SEC14L1: variants seen among roughly 807,000 people sequenced by gnomAD.
SEC14L1 encodes the protein SEC14-like protein 1.
SEC14L1 carries 48 observed loss-of-function variants against 85.3 expected under a neutral mutation model. That is an observed-to-expected ratio of 0.56 (90% CI 0.45 to 0.72). The LOEUF (loss-of-function observed/expected upper bound fraction) is 0.72, where lower values mean the gene tolerates loss of function less well. SEC14L1 is among the 30% of genes least tolerant of loss of function. The pLI, the probability that SEC14L1 is intolerant of heterozygous loss-of-function variation, is 0.00. For synonymous variants in SEC14L1, 391 were observed against 355.5 expected, an observed-to-expected ratio of 1.10 and a Z score of -1.12; for missense variants, 682 against 921.4, an observed-to-expected ratio of 0.74 and a Z score of 3.36.
chr17:77,098,126 G>C (rs1971691338), intron 3 of SEC14L1, among the ~76,000 whole-genome samples: 1 of 152,172 alleles, frequency 6.6e-6, no homozygotes, highest in Non-Finnish European at 1.5e-5. Context: ...TCTGAATAGT[G>C]TCCGTAGCTT....
rs574665462 is a variant in SEC14L1 at position 77,194,817 on chromosome 17, C to T, written c.615C>T (p.Ala205=). ...SSSKKQAASM[A]VVIPEAALKE... ...CCAAGAAACAAGCAGCGTCCATGGCCGTCGTCATCCCAGAAGCTGCCCTCA... is the reference window on the plus strand; with the variant it reads ...CCAAGAAACAAGCAGCGTCCATGGCTGTCGTCATCCCAGAAGCTGCCCTCA... Residue 205 remains alanine (A), a synonymous_variant, in exon 7 of 17, where the codon GCC becomes GCT. Transcript: ENST00000436233. 9.3e-6 allele frequency: 15 copies of T among 1,614,210 alleles called. No individual in the cohort carries two copies. The highest frequency in any genetic ancestry group is 1.6e-4 in the Middle Eastern group (1 of 6,062).
chr17:77,089,536 C>T (rs763721910), intron 2 of SEC14L1: 7 of 477,462 alleles, frequency 1.5e-5, no homozygotes, highest in Non-Finnish European at 2.5e-5. Flanking sequence ...TCAGAGAGCC[C>T]TTGCTTTTCA....
At chr17:77,090,345 G>C (rs573985532) in intron 2 of SEC14L1, among the ~76,000 whole-genome samples, 1 of 151,790 alleles carries the variant, frequency 6.6e-6, no homozygotes, top group African/African-American at 2.4e-5. Flanking sequence ...TGAAGGAAGG[G>C]AACGTAAGAA....
At position 77,206,435 on chromosome 17, in the gene SEC14L1, C is replaced by T. The variant is rs1976466610; in HGVS notation, c.1341+35C>T. 6.3e-7 allele frequency: 1 copy of T among 1,597,988 alleles called. No homozygotes were observed. The highest frequency in any genetic ancestry group is 2.2e-5 in the East Asian group (1 of 44,534). Reference sequence around the variant, plus strand: ...GATGCTTTTTGCAGTAACTGTGAGCCATTTGGAAAGCAGATAACATGCATT... The same window carrying T: ...GATGCTTTTTGCAGTAACTGTGAGCTATTTGGAAAGCAGATAACATGCATT... On this transcript the variant is annotated intron_variant, in intron 12 of 16. Transcript: ENST00000436233. The surrounding 1 kb of genome is among the most constrained non-coding windows in gnomAD (Gnocchi z 4.3).
intron 3 of SEC14L1, among the ~76,000 whole-genome samples, chr17:77,120,613 A>G (rs571310183): frequency 6.6e-6 from 1 of 152,000 alleles, no homozygotes; most frequent in East Asian, 1.9e-4. Flanking sequence ...AGTAGCTGGG[A>G]TTACAGGTGC....
At chr17:77,154,707 A>T (rs763184962) in intron 3 of SEC14L1, among the ~76,000 whole-genome samples, 9 of 150,552 alleles carry the variant, frequency 6.0e-5, no homozygotes, top group Non-Finnish European at 1.0e-4. Flanking sequence ...AATAATTGCT[A>T]TGTGTATCTT....
intron 3 of SEC14L1, chr17:77,127,728 A>C (rs921290070): frequency 6.6e-6 from 1 of 152,178 alleles, no homozygotes; most frequent in African/African-American, 2.4e-5. Context: ...AACCCCTGGT[A>C]CCTGTGAAGG....
At chr17:77,151,371 T>C (rs1278100386) in intron 3 of SEC14L1, among the ~76,000 whole-genome samples, 1 of 152,016 alleles carries the variant, frequency 6.6e-6, no homozygotes, top group Non-Finnish European at 1.5e-5. Flanking sequence ...ACAATTAGAG[T>C]GAGCTTTCAT....
chr17:77,147,193 T>C (rs1229867759), intron 3 of SEC14L1, among the ~76,000 whole-genome samples: 3 of 152,218 alleles, frequency 2.0e-5, no homozygotes, highest in Admixed American at 2.0e-4. Flanking sequence ...AACGCCTCAC[T>C]CAACTTAATG....
At chr17:77,170,210 G>C (rs539530697) in intron 3 of SEC14L1, among the ~76,000 whole-genome samples, 113 of 152,264 alleles carry the variant, frequency 7.4e-4, no homozygotes, top group African/African-American at 2.7e-3. Flanking sequence ...AGCTAAGAAG[G>C]AAGAGACAGA....
At chr17:77,209,729 T>A in intron 14 of SEC14L1, 1 of 365,400 alleles carries the variant, frequency 2.7e-6, no homozygotes, top group Non-Finnish European at 4.9e-6. Flanking sequence ...TGACCTCCAT[T>A]TTACTAAAGC....
At chr17:77,157,961 C>G (rs1973883640) in intron 3 of SEC14L1, among the ~76,000 whole-genome samples, 1 of 152,162 alleles carries the variant, frequency 6.6e-6, no homozygotes, top group Non-Finnish European at 1.5e-5. Flanking sequence ...ATGTACTTCT[C>G]CAAATTGCTG....
In SEC14L1 at chr17:77,191,167, T is replaced by C; in HGVS notation, c.214-14T>C. 5 of 1,311,656 alleles carry C rather than the reference T, an allele frequency of 3.8e-6. No individual in the cohort carries two copies. Among genetic ancestry groups the C allele is most frequent in the East Asian group, 2.6e-5 (1 of 38,432 alleles). The allele number at this position is 1,311,656 out of a possible 1,614,324, so 81.3% of individuals were successfully genotyped here. ...TTATTAATAAACCCATTTCTCTTTC[T>C]TTTTTTTTTGAAGATTGCAGGAGTT... On this transcript the variant is annotated splice_polypyrimidine_tract_variant and intron_variant, in intron 4 of 16. Transcript: ENST00000436233.
chr17:77,153,296 A>G (rs956894259), intron 3 of SEC14L1, among the ~76,000 whole-genome samples: 1 of 152,146 alleles, frequency 6.6e-6, no homozygotes, highest in Non-Finnish European at 1.5e-5. Context: ...CAAACTCCTG[A>G]CCTCAAGTGA....
At position 77,154,579 on chromosome 17, in the gene SEC14L1, G is replaced by A. The variant is rs192678252; in HGVS notation, c.63+10920G>A. Among the ~76,000 whole-genome samples, 5 of 151,960 alleles carry A rather than the reference G, an allele frequency of 3.3e-5. No individual in the cohort carries two copies. In the East Asian group the frequency reaches 9.7e-4, roughly 29 times the overall value. Reference sequence around the variant, plus strand: ...GTTTTGGGATTGGAGGGACATCCTGGAACCAGTCCCCTCCAGATACCGAGG... The same window carrying A: ...GTTTTGGGATTGGAGGGACATCCTGAAACCAGTCCCCTCCAGATACCGAGG... On this transcript the variant is annotated intron_variant, in intron 3 of 16. Coordinates refer to ENST00000436233, the MANE Select transcript of SEC14L1 (RefSeq NM_001143998.2).
Position 77,213,424 on chromosome 17 carries a change from C to A in SEC14L1, c.1974C>A (p.Ser658=), listed in dbSNP as rs747922714. The part of the protein sequence containing the change: ...SLPRVDDVLA[S]LQVSSHKCKV... ...CCCGGGTGGACGACGTGCTTGCGTCCCTGCAGGTCTCTTCGCACAAGTGTA... is the reference window on the plus strand; with the variant it reads ...CCCGGGTGGACGACGTGCTTGCGTCACTGCAGGTCTCTTCGCACAAGTGTA... Residue 658 remains serine, a synonymous_variant, in exon 16 of 17, where the codon TCC becomes TCA. Transcript: ENST00000436233. The surrounding 1 kb of genome is among the most constrained non-coding windows in gnomAD (Gnocchi z 7.1). 2 of 1,613,172 alleles carry A rather than the reference C, an allele frequency of 1.2e-6. No homozygotes were observed. The highest frequency in any genetic ancestry group is 2.2e-5 in the South Asian group (2 of 91,084).
At chr17:77,110,147 G>A (rs1290816237) in intron 3 of SEC14L1, among the ~76,000 whole-genome samples, 2 of 152,194 alleles carry the variant, frequency 1.3e-5, no homozygotes, top group Non-Finnish European at 2.9e-5. Flanking sequence ...GAATACATAA[G>A]AAGCCTTCCT....
At chr17:77,179,434 T>G (rs1228300797) in intron 3 of SEC14L1, among the ~76,000 whole-genome samples, 1 of 152,218 alleles carries the variant, frequency 6.6e-6, no homozygotes, top group Non-Finnish European at 1.5e-5. Flanking sequence ...CATACCTTAA[T>G]GAGAAGGCCC....
Position 77,099,267 on chromosome 17 carries a change from G to T in SEC14L1, c.-136+5920G>T, listed in dbSNP as rs568330020. 15 of 152,232 alleles carry T rather than the reference G, an allele frequency of 9.9e-5. No individual in the cohort carries two copies. The East Asian group carries it at 2.9e-3, about 29-fold the overall frequency. The allele number at this position is 152,232 out of a possible 1,614,324, so 9.4% of individuals were successfully genotyped here. A position where few individuals can be genotyped will look rare whatever the true frequency, so the allele number is the denominator to read the frequency against. On this transcript the variant is annotated intron_variant, in intron 3 of 19. Transcript: ENST00000392476. ...ATCCCTTTTAACAAAACCAAGACTTGGGTTTTAATGTTGACTCCCACACGA... is the reference window on the plus strand; with the variant it reads ...ATCCCTTTTAACAAAACCAAGACTTTGGTTTTAATGTTGACTCCCACACGA...
Sources: allele counts gnomAD v4.1 joint callset (sites outside exome capture counted in the v4.1 genomes callset), GRCh38; gene constraint gnomAD v4.1.1; non-coding constraint Gnocchi (gnomAD v3.1); transcripts MANE v1.5; gene names NCBI Gene and HGNC (gene_info 2026-07-23, HGNC 2026-07-21).